The following CSMD1 variants were observed in gnomAD, a reference collection of about 807,000 sequenced individuals.
The protein encoded by CSMD1 is CUB and Sushi multiple domains 1, also known as CUB and sushi domain-containing protein 1.
CSMD1 carries 213 observed loss-of-function variants against 417.5 expected under a neutral mutation model. The observed-to-expected ratio is 0.51, with a 90% CI of 0.46 to 0.57. The LOEUF (loss-of-function observed/expected upper bound fraction) is 0.57, where lower values mean the gene tolerates loss of function less well. Ranked by LOEUF, CSMD1 falls within the 20% of genes least tolerant of loss-of-function variation. CSMD1 has a pLI of 0.00. For missense variants in CSMD1, 6,923 were observed against 4,529.7 expected, an observed-to-expected ratio of 1.53 and a Z score of -15.17; for synonymous variants, 2,862 against 1,736.8, an observed-to-expected ratio of 1.65 and a Z score of -16.11.
Position 3,935,040 on chromosome 8 carries a change from G to A in CSMD1, c.818+62863C>T, listed in dbSNP as rs188114519. 3.6e-4 allele frequency among the ~76,000 whole-genome samples: 55 copies of A among 152,132 alleles called. 1 individual carries two copies. Among genetic ancestry groups the A allele is most frequent in the African/African-American group, 1.1e-3 (46 of 41,506 alleles). ...GTATCTGAACTCCAAAGCTAGTCTC[G>A]TTTCTTTTGCATTGCACTGGCTTCA... is the stretch of plus-strand genomic sequence containing the variant. On this transcript the variant is annotated intron_variant, in intron 5 of 69. Transcript: ENST00000635120.
chr8:3,715,436 T>C (rs1035242745), intron 6 of CSMD1, among the ~76,000 whole-genome samples: 1 of 152,202 alleles, frequency 6.6e-6, no homozygotes, highest in Admixed American at 6.5e-5. Flanking sequence ...ATTTTTCTCC[T>C]CTTCTGCATG....
At chr8:4,031,184 T>A (rs1312349143) in intron 4 of CSMD1, among the ~76,000 whole-genome samples, 1 of 152,210 alleles carries the variant, frequency 6.6e-6, no homozygotes, top group South Asian at 2.1e-4. Flanking sequence ...TTTTGGTATC[T>A]TTTCAGGAGT....
At chr8:3,569,356 G>A (rs1448064990) in intron 10 of CSMD1, among the ~76,000 whole-genome samples, 1 of 152,122 alleles carries the variant, frequency 6.6e-6, no homozygotes, top group Non-Finnish European at 1.5e-5. Flanking sequence ...ATAAATACTT[G>A]CAATAAACTG....
intron 27 of CSMD1, among the ~76,000 whole-genome samples, chr8:3,228,896 T>C (rs1294383765): frequency 1.3e-5 from 2 of 152,108 alleles, no homozygotes; most frequent in Middle Eastern, 3.4e-3. Flanking sequence ...CTCTGCAGTC[T>C]CCCGGTGACT....
At chr8:4,200,220 G>A (rs1191541180) in intron 3 of CSMD1, among the ~76,000 whole-genome samples, 4 of 151,984 alleles carry the variant, frequency 2.6e-5, no homozygotes, top group Non-Finnish European at 5.9e-5. Context: ...TGAAATTCTG[G>A]CCAGCATTTC....
At chr8:3,241,018 T>C (rs1354148554) in intron 26 of CSMD1, among the ~76,000 whole-genome samples, 2 of 149,700 alleles carry the variant, frequency 1.3e-5, no homozygotes, top group Non-Finnish European at 3.0e-5. Flanking sequence ...GGGTGCATGA[T>C]CGGTCACCAA....
chr8:4,454,058 G>C (rs917546905), intron 2 of CSMD1, among the ~76,000 whole-genome samples: 2 of 151,860 alleles, frequency 1.3e-5, no homozygotes, highest in South Asian at 2.1e-4. Flanking sequence ...TCCTGACCTC[G>C]TGATCCGCCC....
intron 1 of CSMD1, among the ~76,000 whole-genome samples, chr8:4,890,127 T>C (rs1804009469): frequency 1.3e-5 from 2 of 152,144 alleles, no homozygotes; most frequent in South Asian, 4.1e-4. Flanking sequence ...TGATGGCCTC[T>C]AGAAAAATCC....
chr8:4,076,652 CA>C (rs1799836571), intron 3 of CSMD1, among the ~76,000 whole-genome samples: 1 of 152,172 alleles, frequency 6.6e-6, no homozygotes. Flanking sequence ...TATTCTCTAA[CA>C]AGGCCTTATG....
intron 23 of CSMD1, among the ~76,000 whole-genome samples, chr8:3,325,708 C>G (rs1054182978): frequency 1.3e-5 from 2 of 152,136 alleles, no homozygotes; most frequent in African/African-American, 4.8e-5. Flanking sequence ...CCTATAATCC[C>G]AGCTACTCGG....
chr8:4,604,768 A>G (rs576130142), intron 2 of CSMD1, among the ~76,000 whole-genome samples: 1 of 152,310 alleles, frequency 6.6e-6, no homozygotes, highest in South Asian at 2.1e-4. Context: ...AATTTTGTAA[A>G]ATTTGAATAT....
At chr8:4,558,213 C>T (rs1240405341) in intron 2 of CSMD1, among the ~76,000 whole-genome samples, 1 of 152,058 alleles carries the variant, frequency 6.6e-6, no homozygotes, top group Non-Finnish European at 1.5e-5. Context: ...GTAATGTGTC[C>T]CCTTATCACT....
intron 10 of CSMD1, among the ~76,000 whole-genome samples, chr8:3,514,749 T>C (rs1459006626): frequency 2.0e-5 from 3 of 152,158 alleles, no homozygotes; most frequent in South Asian, 4.1e-4. Flanking sequence ...GTAAAAATAA[T>C]TGCCTTCATA....
rs576784872 is a variant in CSMD1 at position 4,345,070 on chromosome 8, G to T, written c.415+74883C>A. Among the ~76,000 whole-genome samples, 6 of 152,244 alleles carry T rather than the reference G, an allele frequency of 3.9e-5. No homozygotes were observed. The South Asian group carries it at 1.2e-3, about 32-fold the overall frequency. On this transcript the variant is annotated intron_variant, in intron 3 of 69. Coordinates refer to ENST00000635120, the MANE Select transcript of CSMD1 (RefSeq NM_033225.6). ...AATTCTGTGATTAAGTCAGTCTGTGGTTGGGGCTTAGAAAGAGGAGAAATG... is the reference window on the plus strand; with the variant it reads ...AATTCTGTGATTAAGTCAGTCTGTGTTTGGGGCTTAGAAAGAGGAGAAATG...
chr8:3,085,823 C>T (rs909001904), intron 49 of CSMD1, among the ~76,000 whole-genome samples: 4 of 152,190 alleles, frequency 2.6e-5, no homozygotes, highest in Non-Finnish European at 5.9e-5. Context: ...GAAAGATGGA[C>T]TAGCATGTGC....
chr8:4,480,576 C>A (rs953158076), intron 2 of CSMD1, among the ~76,000 whole-genome samples: 1 of 152,148 alleles, frequency 6.6e-6, no homozygotes, highest in East Asian at 1.9e-4. Context: ...GCAATCAGCA[C>A]GGTTTAGCTT....
chr8:4,650,656 TAA>T (rs3990383), intron 1 of CSMD1, among the ~76,000 whole-genome samples: 4 of 148,770 alleles, frequency 2.7e-5, no homozygotes, highest in Admixed American at 6.7e-5. Flanking sequence ...GGCCTTGAGT[TAA>T]AAAAAAAAAA....
At chr8:4,655,896 G>C (rs1804199187) in intron 1 of CSMD1, among the ~76,000 whole-genome samples, 1 of 152,132 alleles carries the variant, frequency 6.6e-6, no homozygotes, top group African/African-American at 2.4e-5. Flanking sequence ...AATATTGATT[G>C]ACTGTCAACT....
intron 10 of CSMD1, among the ~76,000 whole-genome samples, chr8:3,564,575 A>T (rs1343615099): frequency 4.3e-5 from 6 of 138,942 alleles, no homozygotes; most frequent in Admixed American, 3.8e-4. Flanking sequence ...CAAGCAAATC[A>T]AAAGCATGGC....
Sources: gnomAD v4.1 joint callset for allele counts (sites outside exome capture counted in the v4.1 genomes callset) on GRCh38, gnomAD v4.1.1 for gene constraint, MANE v1.5 for transcripts, NCBI Gene and HGNC (gene_info 2026-07-23, HGNC 2026-07-21) for gene names.